Variants in ZHX3 observed in about 807,000 individuals in gnomAD.
ZHX3 encodes the protein zinc fingers and homeoboxes 3.
In ZHX3, 20 loss-of-function variants were observed where a neutral mutation model predicts 64.5. The ratio of observed to expected loss-of-function variants is 0.31; its 90% CI spans 0.22 to 0.45. The LOEUF is 0.45. ZHX3 is among the 20% of genes least tolerant of loss of function. ZHX3 has a pLI of 1.00. For synonymous variants in ZHX3, 423 were observed against 461.6 expected (o/e 0.92, Z 1.07); for missense variants, 1,041 against 1,195.8 (o/e 0.87, Z 1.91).
chr20:41,304,333 T>C (rs989746508), intron 1 of ZHX3, among the ~76,000 whole-genome samples: 2 of 152,168 alleles, frequency 1.3e-5, no homozygotes, highest in Non-Finnish European at 2.9e-5. Context: ...GAAGTGTAGC[T>C]ATATCTCCAC....
rs36076017 is a variant in ZHX3, at chr20:41,238,992, CTTTTTTT to C, written c.-151+29991_-151+29997del. Among the ~76,000 whole-genome samples the C allele has an allele frequency of 2.0e-4, 17 of 86,326 alleles. 1 individual carries two copies. Among genetic ancestry groups the C allele is most frequent in the African/African-American group, 6.5e-4 (13 of 20,056 alleles). The allele number at this position is 86,326 out of a possible 152,430, so 56.6% of individuals were successfully genotyped here. On this transcript the variant is annotated intron_variant, in intron 2 of 3. Transcript: ENST00000683867. ...GAAAACAAGGGCCTATTTTCTCTCT[CTTTTTTT>C]TTTTTTTTTTTTTTTTTTTGGGAGA...
Position 41,180,533 on chromosome 20 carries a change from A to G in ZHX3, c.*4658T>C, listed in dbSNP as rs2036211828. 6.6e-6 allele frequency: 1 copy of G among 152,276 alleles called. No individual in the cohort carries two copies. Among genetic ancestry groups the G allele is most frequent in the Non-Finnish European group, 1.5e-5 (1 of 68,084 alleles). The allele number at this position is 152,276 out of a possible 1,614,324, so 9.4% of individuals were successfully genotyped here. ...TTCTCTGTTGAAGGACTGCGTCCCC[A>G]TTCAAAGAGGTCAGATTTGTGGGCA... is the stretch of plus-strand genomic sequence containing the variant. On this transcript the variant is annotated 3_prime_UTR_variant, in exon 4 of 4. Coordinates refer to ENST00000683867, the MANE Select transcript of ZHX3 (RefSeq NM_001384317.1).
chr20:41,211,220 A>G (rs1011903389), intron 2 of ZHX3, among the ~76,000 whole-genome samples: 1 of 152,174 alleles, frequency 6.6e-6, no homozygotes, highest in African/African-American at 2.4e-5. Context: ...CATCATTATT[A>G]CTTTTCGTTT....
Position 41,204,335 on chromosome 20 carries a change from A to G in ZHX3, c.582T>C (p.Ala194=), listed in dbSNP as rs768183722. ...TGAGTGTATGAATTTTTTTGGCTTC[A>G]GCTTTGCCTTTCATTATCTTCATGA... ...TPIMKIMKGK[A]EAKKIHTLKE... is the part of the protein sequence containing the mutation. The change falls in exon 3 of 4, where the codon GCT becomes GCC. Residue 194 remains alanine (A), a synonymous_variant. Transcript: ENST00000683867. The surrounding 1 kb of genome is among the most constrained non-coding windows in gnomAD (Gnocchi z 6.6). The G allele has an allele frequency of 6.2e-7, 1 of 1,614,014 alleles. No individual in the cohort carries two copies. The highest frequency in any genetic ancestry group is 2.2e-5 in the East Asian group (1 of 44,888).
rs531819611 is a variant in ZHX3 at position 41,210,497 on chromosome 20, C to T, written c.-150-5431G>A. Among the ~76,000 whole-genome samples, 12 of 152,278 alleles carry T rather than the reference C, an allele frequency of 7.9e-5. No individual in the cohort carries two copies. The South Asian group carries it at 2.3e-3, about 29-fold the overall frequency. On this transcript the variant is annotated intron_variant, in intron 2 of 3. Transcript: ENST00000683867. The stretch of plus-strand genomic sequence containing the variant: ...ATTAAGAAAATGTGGCACATATACA[C>T]CATGGAATACTATGCAGCCATAAAA...
chr20:41,284,787 A>T (rs1013212926), intron 1 of ZHX3, among the ~76,000 whole-genome samples: 2 of 151,968 alleles, frequency 1.3e-5, no homozygotes, highest in African/African-American at 4.8e-5. Flanking sequence ...CTAAGCCTTT[A>T]TCACCTCTCC....
chr20:41,269,130 G>T (rs550261933), intron 1 of ZHX3, 47 bp from the exon 2 acceptor site: 1 of 152,244 alleles, frequency 6.6e-6, no homozygotes, highest in South Asian at 2.1e-4. Flanking sequence ...AACATTTTAG[G>T]AGGCTGAGTT....
intron 1 of ZHX3, among the ~76,000 whole-genome samples, chr20:41,271,163 G>C (rs969466266): frequency 1.3e-5 from 2 of 152,166 alleles, no homozygotes; most frequent in Non-Finnish European, 2.9e-5. Flanking sequence ...TGGGACTACA[G>C]GCACGCGCCA....
chr20:41,266,893 T>C (rs6065327), intron 2 of ZHX3, among the ~76,000 whole-genome samples: 76,540 of 133,246 alleles, frequency 0.57, 23,091 homozygotes, highest in East Asian at 0.82. Flanking sequence ...CACTCTGTTG[T>C]CCAGACTGGA....
chr20:41,312,311 C>CAA (rs1436331268), intron 1 of ZHX3, among the ~76,000 whole-genome samples: 1 of 152,086 alleles, frequency 6.6e-6, no homozygotes, highest in Non-Finnish European at 1.5e-5. Context: ...TGGACAGGGA[C>CAA]AAATAAGGGA....
intron 2 of ZHX3, among the ~76,000 whole-genome samples, chr20:41,257,364 C>A (rs1217457342): frequency 6.6e-6 from 1 of 152,166 alleles, no homozygotes; most frequent in East Asian, 1.9e-4. Context: ...CTCATCGTAG[C>A]TTTCCACTAC....
chr20:41,277,045 A>G (rs1295507829), intron 1 of ZHX3, among the ~76,000 whole-genome samples: 1 of 152,264 alleles, frequency 6.6e-6, no homozygotes, highest in Non-Finnish European at 1.5e-5. Context: ...GGTGGTAAAA[A>G]TCACAATAGA....
Position 41,317,663 on chromosome 20 carries a change from C to T in ZHX3, c.-399G>A, listed in dbSNP as rs1322185340. ...CGCGGACTGCTGAGCGGCGGGGACGCAGCTGCACCAACCGACTCCGGGCCG... is the reference window on the plus strand; with the variant it reads ...CGCGGACTGCTGAGCGGCGGGGACGTAGCTGCACCAACCGACTCCGGGCCG... On this transcript the variant is annotated 5_prime_UTR_variant, in exon 1 of 4. Transcript: ENST00000683867. The T allele has an allele frequency of 1.3e-5, 2 of 150,948 alleles. No individual in the cohort carries two copies. Among genetic ancestry groups the T allele is most frequent in the Admixed American group, 6.6e-5 (1 of 15,168 alleles). 9.4% of individuals were successfully genotyped at this position (150,948 alleles called of 1,614,324 possible).
chr20:41,267,673 T>C (rs2042929669), intron 2 of ZHX3: 1 of 152,202 alleles, frequency 6.6e-6, no homozygotes, highest in Non-Finnish European at 1.5e-5. Context: ...TCATTTTCAA[T>C]TGAGGGTACC....
chr20:41,280,588 G>GT (rs199793357), intron 1 of ZHX3, among the ~76,000 whole-genome samples: 15 of 151,670 alleles, frequency 9.9e-5, no homozygotes, highest in Admixed American at 2.0e-4. Flanking sequence ...TTTGTTTTTT[G>GT]TTTTTTTTAG....
chr20:41,252,276 G>A (rs1286193677), intron 2 of ZHX3, among the ~76,000 whole-genome samples: 1 of 152,200 alleles, frequency 6.6e-6, no homozygotes, highest in East Asian at 1.9e-4. Context: ...GGGAGCAGAG[G>A]GATAGGGGAC....
intron 2 of ZHX3, chr20:41,238,666 T>C (rs1056922674): frequency 1.3e-5 from 2 of 152,292 alleles, no homozygotes; most frequent in Non-Finnish European, 2.9e-5. Flanking sequence ...TTAATACATA[T>C]ATAGGCAAGA....
At chr20:41,277,113 G>A (rs972955532) in intron 1 of ZHX3, among the ~76,000 whole-genome samples, 1 of 152,202 alleles carries the variant, frequency 6.6e-6, no homozygotes, top group African/African-American at 2.4e-5. Context: ...CTTTTCTAGA[G>A]TGGCAAAAAT....
intron 2 of ZHX3, among the ~76,000 whole-genome samples, chr20:41,234,328 T>C (rs750879265): frequency 4.7e-4 from 72 of 152,220 alleles, no homozygotes; most frequent in Non-Finnish European, 9.4e-4. Flanking sequence ...TTAGTTCATA[T>C]GTGTGATTAG....
Sources: gnomAD v4.1 joint callset for allele counts (sites outside exome capture counted in the v4.1 genomes callset) on GRCh38, gnomAD v4.1.1 for gene constraint, Gnocchi (gnomAD v3.1) non-coding constraint, MANE v1.5 for transcripts, NCBI Gene and HGNC (gene_info 2026-07-23, HGNC 2026-07-21) for gene names.